Variants in ATAD2B observed in about 807,000 individuals in gnomAD.
The protein encoded by ATAD2B is ATPase family AAA domain-containing protein 2B.
Under a neutral mutation model 167.6 loss-of-function variants are expected in ATAD2B, and 40 were observed. The ratio of observed to expected loss-of-function variants is 0.24; its 90% CI spans 0.19 to 0.31. ATAD2B has a LOEUF of 0.31. Ranked by LOEUF, ATAD2B falls within the 10% of genes least tolerant of loss-of-function variation. The pLI is 1.00. For synonymous variants in ATAD2B, 579 were observed against 596.5 expected (o/e 0.97, Z 0.43); for missense variants, 1,242 against 1,757.2 (o/e 0.71, Z 5.24).
intron 27 of ATAD2B, among the ~76,000 whole-genome samples, chr2:23,752,395 T>C (rs896561793): frequency 6.7e-6 from 1 of 148,664 alleles, no homozygotes; most frequent in Admixed American, 6.7e-5. Flanking sequence ...AGGATGATGA[T>C]AGCAACACTT....
chr2:23,764,935 A>G (rs1018241548), intron 23 of ATAD2B, among the ~76,000 whole-genome samples: 1 of 152,150 alleles, frequency 6.6e-6, no homozygotes, highest in Admixed American at 6.5e-5. Flanking sequence ...TGGGTTCCCT[A>G]CTGGGAGGTC....
the ATAD2B span, among the ~76,000 whole-genome samples, chr2:23,743,562 CAAA>C: frequency 8.4e-5 from 7 of 83,168 alleles, no homozygotes; most frequent in Admixed American, 1.3e-4. Flanking sequence ...AAATCCGACT[CAAA>C]AAAAAAAAAA....
In ATAD2B at chr2:23,803,338, A is replaced by ACACACGCG. The variant is rs756577548; in HGVS notation, c.2455-5016_2455-5015insCGCGTGTG. On this transcript the variant is annotated intron_variant, in intron 18 of 27. Coordinates refer to ENST00000238789, the MANE Select transcript of ATAD2B (RefSeq NM_017552.4). ...TACACACACACACACACACACACAC[A>ACACACGCG]CGCGCACGCATTTGTTTCAGTAATA... Among the ~76,000 whole-genome samples, 183 of 150,690 alleles carry ACACACGCG rather than the reference A, an allele frequency of 1.2e-3. No individual in the cohort carries two copies. In the Middle Eastern group the frequency reaches 0.014, roughly 11 times the overall value.
chr2:23,749,977 C>G lies in ATAD2B; in HGVS notation c.*2069G>C, dbSNP rs183990599. The G allele has an allele frequency of 3.4e-4, 52 of 151,874 alleles. No individual in the cohort carries two copies. Among genetic ancestry groups the G allele is most frequent in the Middle Eastern group, 3.4e-3 (1 of 290 alleles). 9.4% of individuals were successfully genotyped at this position (151,874 alleles called of 1,614,324 possible). On this transcript the variant is annotated 3_prime_UTR_variant, in exon 28 of 28. Transcript: ENST00000238789. ...CAAGAACCTGAGACTTGCAAAAAAC[C>G]CTTTTACCAGAAACTTGCTACAAAA...
chr2:23,695,805 G>C, the ATAD2B span: 1 of 1,549,390 alleles, frequency 6.5e-7, no homozygotes, highest in African/African-American at 1.4e-5. The surrounding 1 kb of genome is among the most constrained non-coding windows in gnomAD (Gnocchi z 7.6). Context: ...CCCGAACCCG[G>C]CCGCGCCTCT....
Position 23,867,901 on chromosome 2 carries a change from A to G in ATAD2B, c.1122T>C (p.Ile374=), listed in dbSNP as rs754040423. 1.9e-6 allele frequency: 3 copies of G among 1,613,922 alleles called. No individual in the cohort carries two copies. Among genetic ancestry groups the G allele is most frequent in the East Asian group, 4.5e-5 (2 of 44,880 alleles). The change falls in exon 10 of 28, where the codon ATT becomes ATC. Residue 374 remains isoleucine (I), a synonymous_variant. Coordinates refer to ENST00000238789, the MANE Select transcript of ATAD2B (RefSeq NM_017552.4). ...NFRAEDLASG[I]LRERVKVGAS... is the part of the protein sequence containing the mutation. ...CACCCACTTTCACTCGTTCTCGGAG[A>G]ATACCGCTAGCTAAGTCCTCTGCTC... is the stretch of plus-strand genomic sequence containing the variant.
At chr2:23,734,700 A>T in the ATAD2B span, among the ~76,000 whole-genome samples, 2 of 152,118 alleles carry the variant, frequency 1.3e-5, no homozygotes, top group Non-Finnish European at 2.9e-5. Context: ...GCAAGGGGGA[A>T]GTCTGCCTCC....
intron 2 of ATAD2B, among the ~76,000 whole-genome samples, chr2:23,894,150 C>A (rs1699891355): frequency 6.6e-6 from 1 of 152,004 alleles, no homozygotes. Flanking sequence ...CATATGCTCT[C>A]CCAAAATTTT....
At chr2:23,832,891 C>T (rs1223808880) in intron 14 of ATAD2B, among the ~76,000 whole-genome samples, 1 of 152,212 alleles carries the variant, frequency 6.6e-6, no homozygotes, top group Non-Finnish European at 1.5e-5. Flanking sequence ...GCTGATGCTT[C>T]CCCATGTGGA....
intron 18 of ATAD2B, among the ~76,000 whole-genome samples, chr2:23,807,694 T>C (rs180734657): frequency 0.043 from 6,524 of 151,210 alleles, 211 homozygotes; most frequent in Middle Eastern, 0.089. Context: ...CACGCACCTG[T>C]AGTCCCAGCT....
At chr2:23,903,351 T>C (rs1186219741) in intron 1 of ATAD2B, among the ~76,000 whole-genome samples, 2 of 152,082 alleles carry the variant, frequency 1.3e-5, no homozygotes, top group African/African-American at 4.8e-5. Flanking sequence ...CAGAACACAA[T>C]CCAAGGATGA....
intron 13 of ATAD2B, among the ~76,000 whole-genome samples, chr2:23,843,812 C>T (rs191669418): frequency 7.9e-5 from 12 of 152,304 alleles, no homozygotes; most frequent in African/African-American, 2.9e-4. Flanking sequence ...TTCCCACCCA[C>T]CGAACTGGTA....
chr2:23,922,074 T>C (rs1054698165), intron 1 of ATAD2B, among the ~76,000 whole-genome samples: 5 of 152,120 alleles, frequency 3.3e-5, no homozygotes, highest in Admixed American at 6.5e-5. Flanking sequence ...TAATACAGCA[T>C]TTTACTTCTA....
At chr2:23,902,427 T>C (rs543765783) in intron 1 of ATAD2B, among the ~76,000 whole-genome samples, 1 of 152,296 alleles carries the variant, frequency 6.6e-6, no homozygotes, top group East Asian at 1.9e-4. Context: ...TTTAATTAAC[T>C]TCAAGCTTTG....
chr2:23,734,363 T>C, the ATAD2B span, among the ~76,000 whole-genome samples: 2 of 152,162 alleles, frequency 1.3e-5, no homozygotes, highest in African/African-American at 4.8e-5. Flanking sequence ...TTTTACCATG[T>C]TGCCCAGGCT....
chr2:23,844,778 C>A (rs1691473984), intron 13 of ATAD2B, among the ~76,000 whole-genome samples: 2 of 150,952 alleles, frequency 1.3e-5, no homozygotes, highest in South Asian at 2.1e-4. Flanking sequence ...AATTAGAGTC[C>A]CAAAAGGAAA....
intron 13 of ATAD2B, among the ~76,000 whole-genome samples, chr2:23,853,801 T>C (rs1692935685): frequency 1.3e-5 from 2 of 152,066 alleles, no homozygotes; most frequent in African/African-American, 2.4e-5. Flanking sequence ...ATCAAGACAG[T>C]GGTATAAGGA....
the ATAD2B span, among the ~76,000 whole-genome samples, chr2:23,715,795 G>A: frequency 9.9e-5 from 15 of 152,216 alleles, 1 homozygote; most frequent in South Asian, 6.2e-4. Context: ...TTTTTACAGT[G>A]TGATAGGCAA....
chr2:23,730,927 C>T, the ATAD2B span, among the ~76,000 whole-genome samples: 2 of 149,294 alleles, frequency 1.3e-5, no homozygotes, highest in African/African-American at 2.5e-5. Flanking sequence ...AGAGACTGAT[C>T]AAGAAAAAAA....
Sources: allele counts gnomAD v4.1 joint callset (sites outside exome capture counted in the v4.1 genomes callset), GRCh38; gene constraint gnomAD v4.1.1; non-coding constraint Gnocchi (gnomAD v3.1); transcripts MANE v1.5; gene names NCBI Gene and HGNC (gene_info 2026-07-23, HGNC 2026-07-21).